Variants in LRP2 observed in about 807,000 individuals in gnomAD.
LRP2 encodes the protein LDL receptor related protein 2, also known as low-density lipoprotein receptor-related protein 2.
LRP2 carries 172 observed loss-of-function variants against 531.0 expected under a neutral mutation model. That is an observed-to-expected ratio of 0.32 (90% CI 0.29 to 0.37). LRP2 has a LOEUF of 0.37. LRP2 is among the 10% of genes least tolerant of loss of function. The pLI, the probability that LRP2 is intolerant of heterozygous loss-of-function variation, is 1.00. For missense variants in LRP2, 5,167 were observed against 5,868.3 expected (o/e 0.88, Z 3.90); for synonymous variants, 1,992 against 2,027.6 (o/e 0.98, Z 0.47).
At position 169,243,411 on chromosome 2, in the gene LRP2, A is replaced by G. The variant is rs1689885322; in HGVS notation, c.3542T>C (p.Val1181Ala). 1.2e-6 allele frequency: 2 copies of G among 1,614,124 alleles called. No homozygotes were observed. Among genetic ancestry groups the G allele is most frequent in the Non-Finnish European group, 8.5e-7 (1 of 1,179,998 alleles). Residue 1181 changes from valine to alanine, a missense_variant, in exon 23 of 79, where the codon GTT becomes GCT. Physicochemically the swap from Val to Ala is moderately conservative, Grantham distance 64 (BLOSUM62 0). This residue lies in a region of LRP2 where 2,811 missense variants were observed against 3,058.0 expected (regional missense o/e 0.92). Transcript: ENST00000649046. ...DKDCVDGSDE[V>A]GCVLNCTASQ... ...GAAGGCAATGCACTTACCACAACCA[A>G]CCTCATCAGATCCATCAACACAATC... is the stretch of plus-strand genomic sequence containing the variant.
intron 3 of LRP2, among the ~76,000 whole-genome samples, chr2:169,308,571 C>T (rs1201761393): frequency 1.3e-5 from 2 of 152,190 alleles, no homozygotes; most frequent in Non-Finnish European, 2.9e-5. Context: ...TTTACGGCTG[C>T]ATAGTATTCC....
At chr2:169,196,176 G>GT (rs1475961980) in intron 46 of LRP2, among the ~76,000 whole-genome samples, 1 of 152,204 alleles carries the variant, frequency 6.6e-6, no homozygotes, top group East Asian at 1.9e-4. Flanking sequence ...CGTGGCCATA[G>GT]TAGAGGGACA....
At chr2:169,148,865 C>T (rs940010271) in intron 68 of LRP2, among the ~76,000 whole-genome samples, 1 of 152,176 alleles carries the variant, frequency 6.6e-6, no homozygotes, top group African/African-American at 2.4e-5. Flanking sequence ...GTCCCACTTT[C>T]TCTGGGAAGT....
At chr2:169,303,682 GT>G (rs1319749304) in intron 4 of LRP2, among the ~76,000 whole-genome samples, 66 of 146,188 alleles carry the variant, frequency 4.5e-4, no homozygotes, top group African/African-American at 6.2e-4. Context: ...GATTTCTGAG[GT>G]TTTTTTTTTT....
Position 169,294,135 on chromosome 2 carries a change from G to A in LRP2, c.652+13C>T. Reference sequence around the variant, plus strand: ...TCCCAACAACATGACCCAGCATAAAGAAATCACCGTACTGCAAGCATGTTC... The same window carrying A: ...TCCCAACAACATGACCCAGCATAAAAAAATCACCGTACTGCAAGCATGTTC... On this transcript the variant is annotated intron_variant, in intron 6 of 78. Coordinates refer to ENST00000649046, the MANE Select transcript of LRP2 (RefSeq NM_004525.3). 1 of 1,573,858 alleles carries A rather than the reference G, an allele frequency of 6.4e-7. No individual in the cohort carries two copies. The highest frequency in any genetic ancestry group is 1.1e-5 in the South Asian group (1 of 90,230).
rs975432790 is a variant in LRP2 at position 169,304,173 on chromosome 2, A to C, written c.427+3108T>G. 2.0e-5 allele frequency among the ~76,000 whole-genome samples: 3 copies of C among 152,106 alleles called. No homozygotes were observed. In the South Asian group the frequency reaches 6.2e-4, roughly 32 times the overall value. ...AGTCCCACTGCATTTGCAATAAAGC[A>C]CTCATTTTCATCTACTTGTAAATAA... On this transcript the variant is annotated intron_variant, in intron 4 of 78. Coordinates refer to ENST00000649046, the MANE Select transcript of LRP2 (RefSeq NM_004525.3).
At position 169,132,653 on chromosome 2, in the gene LRP2, T is replaced by C; in HGVS notation, c.13649A>G (p.Lys4550Arg). The change falls in exon 77 of 79, where the codon AAG becomes AGG. Residue 4550 changes from lysine (K) to arginine (R), a missense_variant. This residue lies in a region of LRP2 where 348 missense variants were observed against 369.3 expected (regional missense o/e 0.94). Transcript: ENST00000649046. ...QVTVSENVDNKNYGSPINPSE... is the reference protein window; with the variant it reads ...QVTVSENVDNRNYGSPINPSE... ...AGGGTTTATGGGACTTCCATAATTC[T>C]TATTATCCACATTTTCAGATACAGT... 6.2e-7 allele frequency: 1 copy of C among 1,605,322 alleles called. No individual in the cohort carries two copies. Among genetic ancestry groups the C allele is most frequent in the Non-Finnish European group, 8.5e-7 (1 of 1,172,026 alleles).
rs368963934 is a variant in LRP2, at chr2:169,298,579, G to A, written c.428-3869C>T. 5.1e-4 allele frequency among the ~76,000 whole-genome samples: 77 copies of A among 152,112 alleles called. No homozygotes were observed. The South Asian group carries it at 0.015, about 29-fold the overall frequency. On this transcript the variant is annotated intron_variant, in intron 4 of 78. Transcript: ENST00000649046. Reference sequence around the variant, plus strand: ...AAATGGTAATAGAAAATTCTTAAAAGAGATTATGAAAAGAAAAAGAAGAAA... The same window carrying A: ...AAATGGTAATAGAAAATTCTTAAAAAAGATTATGAAAAGAAAAAGAAGAAA...
intron 17 of LRP2, among the ~76,000 whole-genome samples, chr2:169,257,836 A>AAACC (rs1553504243): frequency 7.0e-6 from 1 of 143,160 alleles, no homozygotes; most frequent in African/African-American, 2.6e-5. Context: ...AAAAAAAAAA[A>AAACC]ACACAAAAAA....
intron 76 of LRP2, among the ~76,000 whole-genome samples, chr2:169,134,909 A>C (rs1358194433): frequency 6.6e-6 from 1 of 152,212 alleles, no homozygotes; most frequent in Non-Finnish European, 1.5e-5. Context: ...GCTTATGCTG[A>C]TAAATTAGCT....
At chr2:169,284,692 C>T (rs1347832238) in intron 9 of LRP2, among the ~76,000 whole-genome samples, 1 of 152,170 alleles carries the variant, frequency 6.6e-6, no homozygotes, top group Non-Finnish European at 1.5e-5. Context: ...GATCTGGACA[C>T]TACCAAGTGA....
chr2:169,267,352 G>C (rs1340926479), intron 16 of LRP2, among the ~76,000 whole-genome samples: 1 of 151,980 alleles, frequency 6.6e-6, no homozygotes, highest in African/African-American at 2.4e-5. Flanking sequence ...CACATAGTTG[G>C]AAGTAAAGCA....
At chr2:169,330,112 G>A (rs112698690) in intron 1 of LRP2, among the ~76,000 whole-genome samples, 6,735 of 152,182 alleles carry the variant, frequency 0.044, 206 homozygotes, top group Non-Finnish European at 0.06. Flanking sequence ...GCTGTCCATG[G>A]AAAAATTGTC....
At chr2:169,339,041 T>C (rs1314758942) in intron 1 of LRP2, among the ~76,000 whole-genome samples, 1 of 152,120 alleles carries the variant, frequency 6.6e-6, no homozygotes, top group East Asian at 1.9e-4. Context: ...TTACTGATAC[T>C]ATTTTTAGGC....
rs777512231 is a variant in LRP2 at position 169,231,790 on chromosome 2, T to G, written c.5151A>C (p.Ser1717=). 5.6e-6 allele frequency: 9 copies of G among 1,613,832 alleles called. No homozygotes were observed. In the African/African-American group the frequency reaches 1.2e-4, roughly 22 times the overall value. ...CACAGGAGTAAAAATGAGGCCCCTG[T>G]GAGGAAAGCAGGCAGAGATGGCTGC... The part of the protein sequence containing the change: ...SRCSHLCLLS[S]QGPHFYSCVC... The change falls in exon 31 of 79, where the codon TCA becomes TCC. Residue 1717 remains serine, a synonymous_variant. Coordinates refer to ENST00000649046, the MANE Select transcript of LRP2 (RefSeq NM_004525.3).
At chr2:169,311,927 T>C (rs1247835858) in intron 3 of LRP2, among the ~76,000 whole-genome samples, 1 of 152,220 alleles carries the variant, frequency 6.6e-6, no homozygotes, top group Non-Finnish European at 1.5e-5. Flanking sequence ...GCTCTTCTTG[T>C]TGACTGGATC....
intron 48 of LRP2, among the ~76,000 whole-genome samples, chr2:169,190,008 G>GGAATAAAGGA (rs1687776399): frequency 6.6e-6 from 1 of 152,152 alleles, no homozygotes; most frequent in African/African-American, 2.4e-5. Context: ...GAATAAAGGA[G>GGAATAAAGGA]ATAACTTGGA....
chr2:169,263,868 T>C (rs1476691171), intron 16 of LRP2, among the ~76,000 whole-genome samples: 7 of 151,960 alleles, frequency 4.6e-5, no homozygotes, highest in Non-Finnish European at 8.8e-5. Flanking sequence ...AATGATAGAC[T>C]GGATTAAGAA....
intron 62 of LRP2, 97 bp downstream of exon 62, chr2:169,165,835 C>A (rs1686760891): frequency 6.8e-7 from 1 of 1,471,426 alleles, no homozygotes; most frequent in Admixed American, 1.7e-5. Context: ...ATGGGCACAA[C>A]TCTATAGAAC....
Sources: gnomAD v4.1 joint callset for allele counts (sites outside exome capture counted in the v4.1 genomes callset) on GRCh38, gnomAD v4.1.1 for gene constraint, gnomAD v4.1.1 regional missense constraint, MANE v1.5 for transcripts, NCBI Gene and HGNC (gene_info 2026-07-23, HGNC 2026-07-21) for gene names.